Variants in SLC9B2 observed in about 807,000 individuals in gnomAD.
SLC9B2 encodes the protein solute carrier family 9 member B2, also known as sodium/hydrogen exchanger 9B2.
In SLC9B2, 39 loss-of-function variants were observed where a neutral mutation model predicts 52.2. The ratio of observed to expected loss-of-function variants is 0.75; its 90% CI spans 0.58 to 0.98. The LOEUF (loss-of-function observed/expected upper bound fraction) is 0.98, where lower values mean the gene tolerates loss of function less well. Among genes scored for constraint, SLC9B2 ranks in the 50% least tolerant of loss-of-function variants. The pLI is 0.00. For missense variants in SLC9B2, 626 were observed against 637.5 expected, an observed-to-expected ratio of 0.98 and a Z score of 0.19; for synonymous variants, 214 against 227.0, an observed-to-expected ratio of 0.94 and a Z score of 0.51.
intron 9 of SLC9B2, among the ~76,000 whole-genome samples, chr4:103,035,162 G>T (rs573238512): frequency 6.6e-6 from 1 of 152,164 alleles, no homozygotes; most frequent in East Asian, 1.9e-4. Context: ...ATAGGCCCCA[G>T]TGTGTGTTGT....
At chr4:103,034,370 T>C (rs1742976704) in intron 9 of SLC9B2, among the ~76,000 whole-genome samples, 1 of 152,064 alleles carries the variant, frequency 6.6e-6, no homozygotes, top group Admixed American at 6.6e-5. Flanking sequence ...ATCTAGGAAA[T>C]ACCAATCTGG....
intron 9 of SLC9B2, among the ~76,000 whole-genome samples, chr4:103,036,756 A>G (rs1468125762): frequency 2.0e-5 from 3 of 152,162 alleles, no homozygotes; most frequent in Non-Finnish European, 2.9e-5. Context: ...TTGGCAGGAC[A>G]ACAAATTGAT....
At chr4:103,058,520 C>G (rs1176495228) in intron 3 of SLC9B2, among the ~76,000 whole-genome samples, 4 of 152,190 alleles carry the variant, frequency 2.6e-5, no homozygotes, top group African/African-American at 9.7e-5. Flanking sequence ...GCCTCAGCCT[C>G]TCATGTAGCT....
chr4:103,050,871 C>T (rs1393048534), intron 4 of SLC9B2, among the ~76,000 whole-genome samples: 7 of 152,232 alleles, frequency 4.6e-5, no homozygotes, highest in Admixed American at 2.6e-4. Flanking sequence ...ATGAAATGGA[C>T]ATTGCCCTGT....
chr4:103,055,905 G>A (rs1036458212), intron 4 of SLC9B2, among the ~76,000 whole-genome samples: 3 of 149,968 alleles, frequency 2.0e-5, no homozygotes, highest in Admixed American at 6.7e-5. Flanking sequence ...CCGGGTTCAC[G>A]CCATTCTCCT....
At chr4:103,037,816 T>C (rs1743303780) in intron 9 of SLC9B2, among the ~76,000 whole-genome samples, 1 of 152,190 alleles carries the variant, frequency 6.6e-6, no homozygotes, top group South Asian at 2.1e-4. Flanking sequence ...TCTTTAAATT[T>C]TACTTTTTAA....
intron 3 of SLC9B2, among the ~76,000 whole-genome samples, chr4:103,058,530 T>C (rs1264041503): frequency 6.6e-6 from 1 of 152,204 alleles, no homozygotes; most frequent in Non-Finnish European, 1.5e-5. Context: ...CTCATGTAGC[T>C]GGGACTACAG....
chr4:103,057,721 T>C lies in SLC9B2; in HGVS notation c.442+80A>G. Reference sequence around the variant, plus strand: ...GGCAAATACAGAAATATTTTATTCCTTTATTTCCCAAAGCTTTCCAAACTA... The same window carrying C: ...GGCAAATACAGAAATATTTTATTCCCTTATTTCCCAAAGCTTTCCAAACTA... On this transcript the variant is annotated intron_variant, in intron 4 of 11. Coordinates refer to ENST00000394785, the MANE Select transcript of SLC9B2 (RefSeq NM_178833.7). The C allele has an allele frequency of 7.5e-6, 11 of 1,465,812 alleles. 1 individual carries two copies. Among genetic ancestry groups the C allele is most frequent in the Non-Finnish European group, 9.2e-6 (10 of 1,083,898 alleles). 90.8% of individuals were successfully genotyped at this position (1,465,812 alleles called of 1,614,324 possible).
chr4:103,018,972 G>A (rs1741577897), downstream of SLC9B2, among the ~76,000 whole-genome samples: 1 of 152,148 alleles, frequency 6.6e-6, no homozygotes, highest in South Asian at 2.1e-4. Flanking sequence ...TCTAAATTGC[G>A]CCTTCTCAAG....
At position 103,043,446 on chromosome 4, in the gene SLC9B2, C is replaced by A; in HGVS notation, c.997-1G>T. ...ATGTTCTCTTACACACAAGTTTGTC[C>A]TTTAGGAGAAAAAAATTCATTTGCT... On this transcript the variant is annotated splice_acceptor_variant, in intron 8 of 11. Coordinates refer to ENST00000394785, the MANE Select transcript of SLC9B2 (RefSeq NM_178833.7). LOFTEE classifies it high-confidence loss of function. 3.8e-6 allele frequency: 6 copies of A among 1,587,072 alleles called. No homozygotes were observed. Among genetic ancestry groups the A allele is most frequent in the Non-Finnish European group, 5.1e-6 (6 of 1,170,812 alleles).
intron 7 of SLC9B2, among the ~76,000 whole-genome samples, chr4:103,046,336 T>A (rs1744119545): frequency 6.6e-6 from 1 of 152,224 alleles, no homozygotes; most frequent in African/African-American, 2.4e-5. Context: ...TACCACAGGA[T>A]AATAAAAGTG....
At chr4:103,058,029 C>T (rs891786403) in intron 3 of SLC9B2, 58 bp from the exon 4 acceptor site, 6 of 1,416,170 alleles carry the variant, frequency 4.2e-6, no homozygotes, top group African/African-American at 1.5e-5. Flanking sequence ...GAGGTTTTGA[C>T]AAAATCTAAA....
At chr4:103,063,773 G>C (rs562664632) in intron 3 of SLC9B2, among the ~76,000 whole-genome samples, 2 of 152,248 alleles carry the variant, frequency 1.3e-5, no homozygotes, top group East Asian at 1.9e-4. Context: ...GAATGGGAGA[G>C]AGCAGTTGCA....
intron 4 of SLC9B2, 85 bp from the exon 5 acceptor site, chr4:103,050,467 A>G: frequency 1.6e-6 from 2 of 1,237,888 alleles, no homozygotes; most frequent in Non-Finnish European, 2.1e-6. Context: ...AGACTACTAT[A>G]TAATCCCAGG....
At chr4:103,052,676 T>C (rs1339779139) in intron 4 of SLC9B2, among the ~76,000 whole-genome samples, 1 of 151,982 alleles carries the variant, frequency 6.6e-6, no homozygotes, top group Non-Finnish European at 1.5e-5. Flanking sequence ...CTCAAAACTA[T>C]GTTAAGAGGT....
At chr4:103,071,684 G>A (rs1038770427) in intron 1 of SLC9B2, among the ~76,000 whole-genome samples, 1 of 151,904 alleles carries the variant, frequency 6.6e-6, no homozygotes, top group Admixed American at 6.6e-5. Context: ...GCTAATTTTT[G>A]TATTTTTAAT....
At chr4:103,041,076 G>A (rs957700634) in intron 9 of SLC9B2, among the ~76,000 whole-genome samples, 1 of 152,144 alleles carries the variant, frequency 6.6e-6, no homozygotes, top group African/African-American at 2.4e-5. Context: ...CTGGTAATAT[G>A]TGTCGAAAAC....
rs1391555295 is a variant in SLC9B2, at chr4:103,022,404, ACAAATT to A, written c.*3960_*3965del. On this transcript the variant is annotated 3_prime_UTR_variant, in exon 12 of 12. Transcript: ENST00000394785. ...AAATACTTATGTTGCCTTTCACCCA[ACAAATT>A]CAGTTGATGATATATCTTTCTGAAA... Among the ~76,000 whole-genome samples the A allele has an allele frequency of 6.6e-6, 1 of 152,214 alleles. No homozygotes were observed. Among genetic ancestry groups the A allele is most frequent in the Non-Finnish European group, 1.5e-5 (1 of 68,042 alleles).
At chr4:103,028,424 T>G (rs1193566952) in intron 11 of SLC9B2, among the ~76,000 whole-genome samples, 3 of 152,080 alleles carry the variant, frequency 2.0e-5, no homozygotes, top group Non-Finnish European at 2.9e-5. Flanking sequence ...TGAAAAGAGT[T>G]AAGAACTCTT....
Sources: allele counts gnomAD v4.1 joint callset (sites outside exome capture counted in the v4.1 genomes callset), GRCh38; gene constraint gnomAD v4.1.1; transcripts MANE v1.5; gene names NCBI Gene and HGNC (gene_info 2026-07-23, HGNC 2026-07-21).